Variants in SH3PXD2B observed in about 807,000 individuals in gnomAD.
The protein encoded by SH3PXD2B is SH3 and PX domains 2B.
In SH3PXD2B, 37 loss-of-function variants were observed where a neutral mutation model predicts 73.1. The ratio of observed to expected loss-of-function variants is 0.51; its 90% CI spans 0.39 to 0.67. The LOEUF (loss-of-function observed/expected upper bound fraction) is 0.67, where lower values mean the gene tolerates loss of function less well. Ranked by LOEUF, SH3PXD2B falls within the 30% of genes least tolerant of loss-of-function variation. The pLI is 0.00. For synonymous variants in SH3PXD2B, 457 were observed against 480.5 expected (o/e 0.95, Z 0.64); for missense variants, 1,053 against 1,197.8 (o/e 0.88, Z 1.78).
intron 1 of SH3PXD2B, among the ~76,000 whole-genome samples, chr5:172,427,626 C>T (rs995650207): frequency 6.6e-6 from 1 of 152,122 alleles, no homozygotes; most frequent in Admixed American, 6.5e-5. Context: ...ATTGGGATTA[C>T]AGCCGTGAGC....
chr5:172,442,454 A>T lies in SH3PXD2B; in HGVS notation c.75+11824T>A, dbSNP rs140821947. Among the ~76,000 whole-genome samples, 450 of 152,298 alleles carry T rather than the reference A, an allele frequency of 3.0e-3. 4 individuals carry two copies. The highest frequency in any genetic ancestry group is 0.01 in the African/African-American group (428 of 41,554). On this transcript the variant is annotated intron_variant, in intron 1 of 12. Transcript: ENST00000311601. Reference sequence around the variant, plus strand: ...ACTTTTAAAGATGCCTTTATAGTTCATTGTAAGGCTATATATATCATTTAT... The same window carrying T: ...ACTTTTAAAGATGCCTTTATAGTTCTTTGTAAGGCTATATATATCATTTAT...
At position 172,436,758 on chromosome 5, in the gene SH3PXD2B, C is replaced by T. The variant is rs192766017; in HGVS notation, c.76-14262G>A. Among the ~76,000 whole-genome samples, 16 of 152,350 alleles carry T rather than the reference C, an allele frequency of 1.1e-4. 1 individual carries two copies. The highest frequency in any genetic ancestry group is 3.1e-4 in the African/African-American group (13 of 41,582). On this transcript the variant is annotated intron_variant, in intron 1 of 12. Transcript: ENST00000311601. Reference sequence around the variant, plus strand: ...CTCACAGGCTACACAGCTTCTGCAGCGGGTCATCAGGCTGTGATTGCTAAA... The same window carrying T: ...CTCACAGGCTACACAGCTTCTGCAGTGGGTCATCAGGCTGTGATTGCTAAA...
chr5:172,391,392 G>C (rs569870855), intron 4 of SH3PXD2B, among the ~76,000 whole-genome samples: 1 of 152,222 alleles, frequency 6.6e-6, no homozygotes, highest in Non-Finnish European at 1.5e-5. Flanking sequence ...TGAGTTCTTG[G>C]TGTATGTTCA....
chr5:172,383,156 CAT>C (rs1400663967), intron 4 of SH3PXD2B, among the ~76,000 whole-genome samples: 2 of 152,194 alleles, frequency 1.3e-5, no homozygotes, highest in Non-Finnish European at 2.9e-5. Context: ...AACATGCTCA[CAT>C]ATATGTCTTA....
downstream of SH3PXD2B, among the ~76,000 whole-genome samples, chr5:172,329,038 T>TATACATATATACATATACATATATATAC (rs57893799): frequency 2.3e-5 from 3 of 129,546 alleles, no homozygotes; most frequent in Admixed American, 8.1e-5. Flanking sequence ...TATACGTATA[T>TATACATATATACATATACATATATATAC]ATATGTATGT....
intron 4 of SH3PXD2B, among the ~76,000 whole-genome samples, 199 bp downstream of exon 4, chr5:172,394,364 G>A (rs938365607): frequency 6.6e-6 from 1 of 152,018 alleles, no homozygotes; most frequent in African/African-American, 2.4e-5. Context: ...ATAAAGAAAA[G>A]GTGGAAAGGA....
chr5:172,349,869 A>C (rs1451058247), intron 10 of SH3PXD2B, among the ~76,000 whole-genome samples: 1 of 151,702 alleles, frequency 6.6e-6, no homozygotes, highest in African/African-American at 2.4e-5. Flanking sequence ...TCTTTTTTTA[A>C]ATGGAGTTTC....
chr5:172,369,762 C>A (rs1031246870), intron 6 of SH3PXD2B, among the ~76,000 whole-genome samples: 3 of 152,144 alleles, frequency 2.0e-5, no homozygotes, highest in African/African-American at 7.2e-5. Context: ...AGTGAGACTT[C>A]ATCTCAAAAA....
intron 2 of SH3PXD2B, among the ~76,000 whole-genome samples, chr5:172,407,775 T>C (rs1758594931): frequency 6.6e-6 from 1 of 152,222 alleles, no homozygotes; most frequent in Non-Finnish European, 1.5e-5. Flanking sequence ...AGAACAGAGA[T>C]ATGTATACGA....
chr5:172,399,024 C>T (rs954150594), intron 3 of SH3PXD2B, among the ~76,000 whole-genome samples: 2 of 152,190 alleles, frequency 1.3e-5, no homozygotes, highest in African/African-American at 4.8e-5. Flanking sequence ...CAAATGGCCA[C>T]CTTAATTGGA....
chr5:172,385,335 G>A (rs931960401), intron 4 of SH3PXD2B, among the ~76,000 whole-genome samples: 1 of 152,170 alleles, frequency 6.6e-6, no homozygotes, highest in Non-Finnish European at 1.5e-5. Flanking sequence ...GGAGGCTCCT[G>A]AAACGTGTTC....
At chr5:172,442,008 A>T (rs1561584994) in intron 1 of SH3PXD2B, among the ~76,000 whole-genome samples, 1 of 152,128 alleles carries the variant, frequency 6.6e-6, no homozygotes, top group African/African-American at 2.4e-5. Flanking sequence ...GCCATCCTAC[A>T]CTGTCCTCTC....
intron 1 of SH3PXD2B, among the ~76,000 whole-genome samples, chr5:172,438,254 G>A (rs1487787382): frequency 6.6e-6 from 1 of 152,160 alleles, no homozygotes; most frequent in African/African-American, 2.4e-5. Flanking sequence ...GACACCCCAA[G>A]TCTCAGTCTA....
At chr5:172,402,786 C>T (rs7705815) in intron 3 of SH3PXD2B, among the ~76,000 whole-genome samples, 8,078 of 152,218 alleles carry the variant, frequency 0.053, 329 homozygotes, top group South Asian at 0.23. Context: ...CACCCAGCAC[C>T]GGGGTGGCCC....
At position 172,351,917 on chromosome 5, in the gene SH3PXD2B, G is replaced by A. The variant is rs566405012; in HGVS notation, c.786-1328C>T. Among the ~76,000 whole-genome samples the A allele has an allele frequency of 5.3e-5, 8 of 152,198 alleles. No homozygotes were observed. The East Asian group carries it at 1.2e-3, about 22-fold the overall frequency. ...GTGCCAGGCTGTATATAACCCACAC[G>A]CTCAGTTTGACATAGTTCATTGTTT... On this transcript the variant is annotated intron_variant, in intron 9 of 12. Transcript: ENST00000311601.
intron 10 of SH3PXD2B, among the ~76,000 whole-genome samples, chr5:172,348,952 A>G (rs1437130978): frequency 6.6e-6 from 1 of 152,046 alleles, no homozygotes; most frequent in African/African-American, 2.4e-5. Context: ...GCCTCAAGTG[A>G]TCCTCCAGCC....
intron 4 of SH3PXD2B, among the ~76,000 whole-genome samples, chr5:172,385,459 C>G (rs1758039317): frequency 6.6e-6 from 1 of 152,178 alleles, no homozygotes; most frequent in Non-Finnish European, 1.5e-5. Flanking sequence ...GACTGCAAAC[C>G]TCTACCTTAA....
chr5:172,377,536 C>T (rs970192492), intron 5 of SH3PXD2B, among the ~76,000 whole-genome samples: 2 of 152,152 alleles, frequency 1.3e-5, no homozygotes, highest in Admixed American at 1.3e-4. Context: ...AGACACCATC[C>T]TTTATGGGCA....
At chr5:172,388,801 T>C (rs1220638120) in intron 4 of SH3PXD2B, among the ~76,000 whole-genome samples, 1 of 152,202 alleles carries the variant, frequency 6.6e-6, no homozygotes, top group Admixed American at 6.5e-5. Flanking sequence ...GGTGACCCTA[T>C]AGTCCTTGCC....
Sources: allele counts gnomAD v4.1 joint callset (sites outside exome capture counted in the v4.1 genomes callset), GRCh38; gene constraint gnomAD v4.1.1; transcripts MANE v1.5; gene names NCBI Gene and HGNC (gene_info 2026-07-23, HGNC 2026-07-21).